The following TMEM245 variants were observed in gnomAD, a reference collection of about 807,000 sequenced individuals.
TMEM245 encodes the protein transmembrane protein 245, also known as protein CG-2.
A neutral mutation model predicts 101.2 loss-of-function variants in TMEM245; 69 were observed. The ratio of observed to expected loss-of-function variants is 0.68; its 90% confidence interval spans 0.56 to 0.83. The LOEUF (loss-of-function observed/expected upper bound fraction) is 0.83. Among genes scored for constraint, TMEM245 ranks in the 40% least tolerant of loss-of-function variants. The pLI is 0.00. For missense variants in TMEM245, 1,075 were observed against 1,092.8 expected (o/e 0.98, Z 0.23); for synonymous variants, 537 against 449.8 (o/e 1.19, Z -2.45).
chr9:109,045,347 C>A (rs1050397384), intron 14 of TMEM245, among the ~76,000 whole-genome samples: 1 of 152,082 alleles, frequency 6.6e-6, no homozygotes, highest in Non-Finnish European at 1.5e-5. Context: ...ATGAGGGGAA[C>A]GGCCGAGCTG....
intron 14 of TMEM245, 139 bp downstream of exon 14, chr9:109,050,144 T>G: frequency 2.0e-6 from 2 of 989,274 alleles, no homozygotes; most frequent in Non-Finnish European, 1.5e-6. Flanking sequence ...CCTGTCAAAA[T>G]GAGATGAAAA....
intron 17 of TMEM245, among the ~76,000 whole-genome samples, chr9:109,022,902 T>A (rs1588012609): frequency 6.6e-6 from 1 of 152,366 alleles, no homozygotes; most frequent in East Asian, 1.9e-4. Flanking sequence ...TGTAATTTTA[T>A]ATCTATTAAC....
chr9:109,056,637 A>G (rs1303282737), intron 12 of TMEM245, among the ~76,000 whole-genome samples: 1 of 152,108 alleles, frequency 6.6e-6, no homozygotes, highest in African/African-American at 2.4e-5. Context: ...ATTAATTTTA[A>G]AAAGTTTAGC....
chr9:109,096,847 C>A (rs1314337525), intron 3 of TMEM245, among the ~76,000 whole-genome samples: 1 of 152,142 alleles, frequency 6.6e-6, no homozygotes, highest in Non-Finnish European at 1.5e-5. Flanking sequence ...ATGGTTTTTG[C>A]AAAATAACAA....
intron 14 of TMEM245, among the ~76,000 whole-genome samples, chr9:109,039,649 A>G (rs573020652): frequency 1.3e-5 from 2 of 152,304 alleles, no homozygotes; most frequent in African/African-American, 4.8e-5. Flanking sequence ...AGGACATCTT[A>G]AAAGGGCAAG....
At position 109,057,180 on chromosome 9, in the gene TMEM245, C is replaced by T. The variant is rs768958482; in HGVS notation, c.1854+11G>A. On this transcript the variant is annotated intron_variant, in intron 12 of 17. Transcript: ENST00000374586. Reference sequence around the variant, plus strand: ...TTGAACTTCAGCTTAACTATAAATGCTATTTCTTACCGAAAGAAATGTCTC... The same window carrying T: ...TTGAACTTCAGCTTAACTATAAATGTTATTTCTTACCGAAAGAAATGTCTC... The T allele has an allele frequency of 1.1e-5, 17 of 1,610,900 alleles. No homozygotes were observed. Among genetic ancestry groups the T allele is most frequent in the Non-Finnish European group, 1.4e-5 (16 of 1,178,504 alleles).
intron 5 of TMEM245, 117 bp downstream of exon 5, chr9:109,090,805 A>C: frequency 1.2e-6 from 1 of 854,684 alleles, no homozygotes; most frequent in Non-Finnish European, 1.8e-6. Flanking sequence ...TGCAAACATA[A>C]GATTGTTTTA....
At chr9:109,032,675 ACAC>A (rs1419903903) in intron 17 of TMEM245, among the ~76,000 whole-genome samples, 1 of 151,700 alleles carries the variant, frequency 6.6e-6, no homozygotes, top group African/African-American at 2.4e-5. Flanking sequence ...GGCATGAGCC[ACAC>A]CACATCTGGC....
At chr9:109,095,191 C>T (rs1830107082) in intron 3 of TMEM245, among the ~76,000 whole-genome samples, 1 of 152,182 alleles carries the variant, frequency 6.6e-6, no homozygotes, top group Non-Finnish European at 1.5e-5. Context: ...GGACCTTACT[C>T]TCCTGGCCTG....
intron 5 of TMEM245, among the ~76,000 whole-genome samples, chr9:109,090,442 G>GC (rs1249417268): frequency 2.6e-5 from 4 of 151,984 alleles, no homozygotes; most frequent in African/African-American, 9.7e-5. Context: ...TGAAATACTG[G>GC]CCGGGCGCGG....
At chr9:109,068,649 A>G (rs182144729) in intron 9 of TMEM245, among the ~76,000 whole-genome samples, 3 of 152,314 alleles carry the variant, frequency 2.0e-5, no homozygotes, top group Admixed American at 1.3e-4. Context: ...AACAAAAACA[A>G]AAACAAAAAC....
chr9:109,056,540 C>T (rs988110778), intron 12 of TMEM245, among the ~76,000 whole-genome samples: 1 of 151,472 alleles, frequency 6.6e-6, no homozygotes, highest in Non-Finnish European at 1.5e-5. Context: ...CGCTTGAACC[C>T]GGGAGGTGGA....
At chr9:109,102,302 T>C (rs763133789) in intron 3 of TMEM245, among the ~76,000 whole-genome samples, 17 of 152,314 alleles carry the variant, frequency 1.1e-4, no homozygotes, top group Non-Finnish European at 2.1e-4. Context: ...CAGAGAGATA[T>C]ATAGTTATGG....
intron 1 of TMEM245, 103 bp from the exon 2 acceptor site, chr9:109,108,673 A>G: frequency 1.4e-6 from 1 of 737,800 alleles, no homozygotes. Context: ...TGCTCTGGAC[A>G]TAGCACAGAA....
intron 17 of TMEM245, among the ~76,000 whole-genome samples, chr9:109,021,369 TA>T (rs1827616560): frequency 1.3e-5 from 2 of 152,212 alleles, no homozygotes; most frequent in African/African-American, 4.8e-5. Context: ...ACCAGATGTT[TA>T]TGCAACAGTG....
Position 109,057,076 on chromosome 9 carries a change from A to G in TMEM245, c.1854+115T>C, listed in dbSNP as rs555206452. The stretch of plus-strand genomic sequence containing the variant: ...TGCATTTAGAGTTCTCAAATATGTA[A>G]ATGTCATGATGTTAAAAACAGGATA... On this transcript the variant is annotated intron_variant, in intron 12 of 17. Transcript: ENST00000374586. 2.4e-5 allele frequency: 27 copies of G among 1,148,198 alleles called. No homozygotes were observed. In the South Asian group the frequency reaches 3.8e-4, roughly 16 times the overall value. 71.1% of individuals were successfully genotyped at this position (1,148,198 alleles called of 1,614,324 possible).
At chr9:109,068,839 C>A (rs887397247) in intron 9 of TMEM245, among the ~76,000 whole-genome samples, 1 of 152,018 alleles carries the variant, frequency 6.6e-6, no homozygotes, top group Non-Finnish European at 1.5e-5. Flanking sequence ...GAGAACTGAT[C>A]AGTGGTTGCT....
chr9:109,104,671 C>T (rs1194569646), intron 3 of TMEM245, among the ~76,000 whole-genome samples: 1 of 152,142 alleles, frequency 6.6e-6, no homozygotes, highest in Non-Finnish European at 1.5e-5. Context: ...AATGTGTTAA[C>T]TGACATTAAG....
At chr9:109,117,808 T>C (rs1031468590) in intron 1 of TMEM245, among the ~76,000 whole-genome samples, 2 of 152,258 alleles carry the variant, frequency 1.3e-5, no homozygotes, top group Non-Finnish European at 2.9e-5. Context: ...TAGCAGAATC[T>C]ATAAATGTGT....
Sources: gnomAD v4.1 joint callset for allele counts (sites outside exome capture counted in the v4.1 genomes callset) on GRCh38, gnomAD v4.1.1 for gene constraint, MANE v1.5 for transcripts, NCBI Gene and HGNC (gene_info 2026-07-23, HGNC 2026-07-21) for gene names.